PLD5: variants seen among roughly 807,000 people sequenced by gnomAD.
PLD5 encodes the protein inactive phospholipase D5.
Under a neutral mutation model 61.1 loss-of-function variants are expected in PLD5, and 36 were observed. The observed-to-expected ratio is 0.59, with a 90% CI of 0.45 to 0.78. The LOEUF (loss-of-function observed/expected upper bound fraction) is 0.78. Ranked by LOEUF, PLD5 falls within the 30% of genes least tolerant of loss-of-function variation. The probability of loss-of-function intolerance (pLI) is 0.00; values close to 1 mark genes in which losing one functional copy is unlikely to be tolerated. For missense variants in PLD5, 515 were observed against 644.4 expected, an observed-to-expected ratio of 0.80 and a Z score of 2.17; for synonymous variants, 243 against 242.8, an observed-to-expected ratio of 1.00 and a Z score of -0.01.
intron 2 of PLD5, among the ~76,000 whole-genome samples, chr1:242,325,370 TATAGGGAGAGAG>T (rs1416217805): frequency 2.9e-5 from 4 of 138,394 alleles, no homozygotes; most frequent in Non-Finnish European, 4.5e-5. Flanking sequence ...TATATATATA[TATAGGGAGAGAG>T]AGGGAGAGAG....
intron 1 of PLD5, among the ~76,000 whole-genome samples, chr1:242,361,314 A>G (rs1661052474): frequency 6.6e-6 from 1 of 152,204 alleles, no homozygotes; most frequent in Admixed American, 6.5e-5. Context: ...ATATAAGGTC[A>G]TGCCACTACT....
chr1:242,141,951 T>C (rs1664205481), intron 5 of PLD5, among the ~76,000 whole-genome samples: 1 of 152,214 alleles, frequency 6.6e-6, no homozygotes, highest in African/African-American at 2.4e-5. Flanking sequence ...TATTAATATA[T>C]ATAACATCTA....
At chr1:242,519,151 A>T (rs570162796) in intron 1 of PLD5, among the ~76,000 whole-genome samples, 9 of 152,310 alleles carry the variant, frequency 5.9e-5, no homozygotes, top group African/African-American at 2.2e-4. Flanking sequence ...CCTTAGGTTG[A>T]ACTCTGTCTT....
intron 3 of PLD5, among the ~76,000 whole-genome samples, chr1:242,275,688 G>A (rs1474550378): frequency 2.0e-5 from 3 of 152,164 alleles, no homozygotes; most frequent in Non-Finnish European, 4.4e-5. Context: ...GAAAAGCATA[G>A]CATGGCATCA....
intron 5 of PLD5, among the ~76,000 whole-genome samples, chr1:242,194,053 C>A (rs964051924): frequency 6.6e-6 from 1 of 152,160 alleles, no homozygotes; most frequent in Non-Finnish European, 1.5e-5. Context: ...GCAGTGAGTT[C>A]TGGCCTTGGA....
chr1:242,527,465 G>A (rs1669475778), upstream of PLD5, among the ~76,000 whole-genome samples: 2 of 152,076 alleles, frequency 1.3e-5, no homozygotes, highest in African/African-American at 4.8e-5. Flanking sequence ...AGGTACACTG[G>A]TGGCATAAAT....
At chr1:242,460,404 C>T (rs1023271283) in intron 1 of PLD5, among the ~76,000 whole-genome samples, 1 of 152,130 alleles carries the variant, frequency 6.6e-6, no homozygotes, top group Non-Finnish European at 1.5e-5. Flanking sequence ...AAAGAGAGAG[C>T]CCCGTTGCAT....
At chr1:242,197,177 G>A (rs1574495198) in intron 5 of PLD5, among the ~76,000 whole-genome samples, 3 of 152,112 alleles carry the variant, frequency 2.0e-5, no homozygotes, top group South Asian at 4.1e-4. Flanking sequence ...GCCCAGGAGG[G>A]ACCCTGCCTT....
At position 242,087,150 on chromosome 1, in the gene PLD5, G is replaced by A. The variant is rs956907864; in HGVS notation, c.*2704C>T. On this transcript the variant is annotated 3_prime_UTR_variant, in exon 10 of 10. Transcript: ENST00000536534. ...AACCCATTTCTGACACTCTTGGTAT[G>A]GGGGTCACTTTTCTGGCTGCCACAG... 3 of 152,176 alleles carry A rather than the reference G, an allele frequency of 2.0e-5. No homozygotes were observed. The highest frequency in any genetic ancestry group is 2.0e-4 in the Admixed American group (3 of 15,276). The allele number at this position is 152,176 out of a possible 1,614,324, so 9.4% of individuals were successfully genotyped here.
At chr1:242,475,586 GA>G in intron 1 of PLD5, among the ~76,000 whole-genome samples, 1 of 152,226 alleles carries the variant, frequency 6.6e-6, no homozygotes, top group African/African-American at 2.4e-5. Context: ...CTTTAGCAGA[GA>G]AAAAACAGAA....
At chr1:242,105,549 A>G (rs989561051) in intron 8 of PLD5, among the ~76,000 whole-genome samples, 3 of 151,758 alleles carry the variant, frequency 2.0e-5, no homozygotes, top group African/African-American at 7.3e-5. Flanking sequence ...TAAAAAGCTT[A>G]TTAGAGGAGA....
intron 1 of PLD5, among the ~76,000 whole-genome samples, chr1:242,444,852 G>C (rs1243206644): frequency 6.6e-6 from 1 of 150,746 alleles, no homozygotes; most frequent in Non-Finnish European, 1.5e-5. Context: ...ATCTCATACA[G>C]TTATTGACAT....
chr1:242,312,514 C>G (rs1380497172), intron 2 of PLD5, among the ~76,000 whole-genome samples: 2 of 152,054 alleles, frequency 1.3e-5, no homozygotes, highest in Non-Finnish European at 2.9e-5. Flanking sequence ...TTGTATTGCT[C>G]AAAGATCTCT....
At chr1:242,409,525 G>C (rs772043520) in intron 1 of PLD5, among the ~76,000 whole-genome samples, 5 of 152,150 alleles carry the variant, frequency 3.3e-5, no homozygotes, top group South Asian at 2.1e-4. Flanking sequence ...ACATGGCTAA[G>C]TACTGAACTG....
intron 1 of PLD5, among the ~76,000 whole-genome samples, chr1:242,507,897 C>T (rs1369052800): frequency 6.6e-6 from 1 of 152,136 alleles, no homozygotes. Flanking sequence ...GTGGTAATTA[C>T]ATTTAATAAA....
chr1:242,220,305 C>T (rs1670485101), intron 4 of PLD5, among the ~76,000 whole-genome samples, 190 bp from the exon 5 acceptor site: 1 of 134,618 alleles, frequency 7.4e-6, no homozygotes, highest in East Asian at 2.6e-4. Context: ...ACAAAGAAAA[C>T]TAAAAGAAAA....
At chr1:242,115,273 A>T (rs1170522910) in intron 6 of PLD5, among the ~76,000 whole-genome samples, 1 of 152,206 alleles carries the variant, frequency 6.6e-6, no homozygotes, top group Non-Finnish European at 1.5e-5. Context: ...TGGTCCATGG[A>T]AAAACTGTCT....
chr1:242,437,331 G>A (rs1050025244), intron 1 of PLD5, among the ~76,000 whole-genome samples: 21 of 152,228 alleles, frequency 1.4e-4, no homozygotes, highest in African/African-American at 4.1e-4. Context: ...GGCACCGACC[G>A]CCTGCCAAAG....
At chr1:242,444,009 A>G (rs1666391765) in intron 1 of PLD5, among the ~76,000 whole-genome samples, 1 of 152,138 alleles carries the variant, frequency 6.6e-6, no homozygotes, top group South Asian at 2.1e-4. Context: ...ATCATGAATC[A>G]TCAGTATCCA....
Sources: allele counts gnomAD v4.1 joint callset (sites outside exome capture counted in the v4.1 genomes callset), GRCh38; gene constraint gnomAD v4.1.1; transcripts MANE v1.5; gene names NCBI Gene and HGNC (gene_info 2026-07-23, HGNC 2026-07-21).